The following ITM2A variants were observed in gnomAD, a reference collection of about 807,000 sequenced individuals.
ITM2A encodes integral membrane protein 2A.
Under a neutral mutation model 16.6 loss-of-function variants are expected in ITM2A, and 11 were observed. The observed-to-expected ratio is 0.66, with a 90% confidence interval of 0.42 to 1.10. ITM2A has a LOEUF of 1.10. Ranked by LOEUF, ITM2A falls within the 50% of genes least tolerant of loss-of-function variation. The pLI is 0.00. For synonymous variants in ITM2A, 102 were observed against 71.2 expected (o/e 1.43, Z -2.18); for missense variants, 243 against 206.8 (o/e 1.17, Z -1.07).
rs1751137 is a variant in ITM2A, at chrX:79,367,006, G to C, written c.111+99C>G. On this transcript the variant is annotated intron_variant, in intron 1 of 5. Transcript: ENST00000373298. ...GTAAACCCCAGAGACAGCGTAAGAGGAGCAAGAGGGGCCCTCCCAGGGAAG... is the reference window on the plus strand; with the variant it reads ...GTAAACCCCAGAGACAGCGTAAGAGCAGCAAGAGGGGCCCTCCCAGGGAAG... The C allele has an allele frequency of 7.9e-4, 453 of 572,927 alleles. No individual in the cohort carries two copies. The African/African-American group carries it at 9.4e-3, about 12-fold the overall frequency. 47.2% of individuals were successfully genotyped at this position (572,927 alleles called of 1,213,427 possible).
rs1313056905 is a variant in ITM2A at position 79,363,142 on chromosome X, A to G, written c.244-3T>C. On this transcript the variant is annotated splice_region_variant and splice_polypyrimidine_tract_variant and intron_variant, in intron 2 of 5. Coordinates refer to ENST00000373298, the MANE Select transcript of ITM2A (RefSeq NM_004867.5). ...ATCTCTCCACGGTAAATGGTGCTCT[A>G]AAAGACAAAAAGGGAAAATTACAAC... 3 of 1,183,722 alleles carry G rather than the reference A, an allele frequency of 2.5e-6. No individual in the cohort carries two copies. The highest frequency in any genetic ancestry group is 3.7e-5 in the South Asian group (2 of 54,569).
intron 4 of ITM2A, 128 bp downstream of exon 4, chrX:79,362,453 C>A (rs1483550503): frequency 2.4e-6 from 1 of 418,729 alleles, no homozygotes; most frequent in African/African-American, 2.5e-5. Context: ...AGGTTCACAA[C>A]GTTTTTTATT....
intron 1 of ITM2A, 193 bp downstream of exon 1, chrX:79,366,912 G>A: frequency 2.4e-6 from 1 of 411,488 alleles, no homozygotes; most frequent in South Asian, 3.7e-5. Flanking sequence ...CACGACACGC[G>A]GGAATGCAGA....
At chrX:79,367,014 G>C (rs1925598765) in intron 1 of ITM2A, 91 bp downstream of exon 1, 1 of 618,693 alleles carries the variant, frequency 1.6e-6, no homozygotes, top group African/African-American at 2.3e-5. Flanking sequence ...AGGAGCAAGA[G>C]GGGCCCTCCC....
rs60175547 is a variant in ITM2A, at chrX:79,360,946, GT to G, written c.*142del. 1,052 of 264,778 alleles carry G rather than the reference GT, an allele frequency of 4.0e-3. No individual in the cohort carries two copies. The highest frequency in any genetic ancestry group is 6.0e-3 in the Non-Finnish European group (918 of 152,737). 21.8% of individuals were successfully genotyped at this position (264,778 alleles called of 1,213,427 possible). On this transcript the variant is annotated 3_prime_UTR_variant, in exon 6 of 6. Coordinates refer to ENST00000373298, the MANE Select transcript of ITM2A (RefSeq NM_004867.5). ...TGACAAGAGCTTGCAGTGGTTAGTA[GT>G]TTTTTTTTTTCCTTTTTTTAAAGCA...
At position 79,362,641 on chromosome X, in the gene ITM2A, G is replaced by T. The variant is rs779425778; in HGVS notation, c.492C>A (p.Pro164=). The T allele has an allele frequency of 5.8e-6, 7 of 1,205,571 alleles. No individual in the cohort carries two copies. The Admixed American group carries it at 1.3e-4, about 23-fold the overall frequency. Reference sequence around the variant, plus strand: ...GAGGCATAACAATAGAAGTATTGAGGGGCATCAGATAGCAGTTCCCCAGCA... The same window carrying T: ...GAGGCATAACAATAGAAGTATTGAGTGGCATCAGATAGCAGTTCCCCAGCA... The part of the protein sequence containing the change: ...DLLLGNCYLM[P]LNTSIVMPPK... The change falls in exon 4 of 6, where the codon CCC becomes CCA. Residue 164 remains proline (P), a synonymous_variant. Transcript: ENST00000373298.
At chrX:79,363,255 C>A in intron 2 of ITM2A, 116 bp from the exon 3 acceptor site, 1 of 744,259 alleles carries the variant, frequency 1.3e-6, no homozygotes, top group Admixed American at 3.3e-5. Context: ...GGCTTGTTGA[C>A]TACAGTTATC....
rs190756777 is a variant in ITM2A, at chrX:79,362,498, C to A, written c.552+83G>T. The A allele has an allele frequency of 6.3e-4, 316 of 498,601 alleles. 1 individual carries two copies. The East Asian group carries it at 0.01, about 16-fold the overall frequency. 41.1% of individuals were successfully genotyped at this position (498,601 alleles called of 1,213,427 possible). ...TTTCAATAAAATAAAATGTTTTGGA[C>A]AAATTCATTATTTTTTTAAAAAACA... On this transcript the variant is annotated intron_variant, in intron 4 of 5. Coordinates refer to ENST00000373298, the MANE Select transcript of ITM2A (RefSeq NM_004867.5).
chrX:79,363,016 T>C lies in ITM2A; in HGVS notation c.367A>G (p.Ile123Val). The C allele has an allele frequency of 2.5e-6, 3 of 1,207,215 alleles. No individual in the cohort carries two copies. Among genetic ancestry groups the C allele is most frequent in the Middle Eastern group, 2.3e-4 (1 of 4,346 alleles). Residue 123 changes from isoleucine (I) to valine (V), a missense_variant, in exon 3 of 6, where the codon ATT (isoleucine) becomes GTT (valine). By Grantham distance (29) the Ile-to-Val change is conservative. Coordinates refer to ENST00000373298, the MANE Select transcript of ITM2A (RefSeq NM_004867.5). The stretch of plus-strand genomic sequence containing the variant: ...GGGACAGGCACATCAATGATTGCAA[T>C]GTTGTCATCCTCACGAATGTCAGCC... ...EEADIREDDN[I>V]AIIDVPVPSF... is the part of the protein sequence containing the mutation.
At chrX:79,364,456 GATCCA>G (rs762760940) in intron 1 of ITM2A, among the ~76,000 whole-genome samples, 1 of 111,929 alleles carries the variant, frequency 8.9e-6, no homozygotes, top group South Asian at 3.7e-4. Context: ...AAACAAGAAA[GATCCA>G]AAGCAAACAA....
In ITM2A at chrX:79,363,106, CA is replaced by C; in HGVS notation, c.276del (p.Phe92LeufsTer20). 8.3e-7 allele frequency: 1 copy of C among 1,208,168 alleles called. No homozygotes were observed. Among genetic ancestry groups the C allele is most frequent in the Non-Finnish European group, 1.1e-6 (1 of 893,532 alleles). On this transcript the variant is annotated frameshift_variant, in exon 3 of 6. Transcript: ENST00000373298. LOFTEE classifies it high-confidence loss of function. ...STIYRGEMCF[F>X]DSEDPANSLR... is the part of the protein sequence containing the mutation. ...AGGGAATTTGCAGGATCCTCAGAATCAAAAAAGCACATCTCTCCACGGTAAA... is the reference window on the plus strand; with the variant it reads ...AGGGAATTTGCAGGATCCTCAGAATCAAAAAGCACATCTCTCCACGGTAAA...
chrX:79,362,441 T>G, intron 4 of ITM2A, 140 bp downstream of exon 4: 1 of 411,980 alleles, frequency 2.4e-6, no homozygotes, highest in African/African-American at 2.5e-5. Flanking sequence ...TAGAGCAGTT[T>G]TAGGTTCACA....
At chrX:79,363,830 T>G (rs750927481) in intron 1 of ITM2A, among the ~76,000 whole-genome samples, 1 of 111,930 alleles carries the variant, frequency 8.9e-6, no homozygotes, top group South Asian at 3.7e-4. Flanking sequence ...AAATTAAAAT[T>G]ACCATTTATT....
chrX:79,360,942 AG>A lies in ITM2A; in HGVS notation c.*146del, dbSNP rs1326648006. 1 of 257,302 alleles carries A rather than the reference AG, an allele frequency of 3.9e-6. No homozygotes were observed. The highest frequency in any genetic ancestry group is 6.2e-6 in the Non-Finnish European group (1 of 160,794). 21.2% of individuals were successfully genotyped at this position (257,302 alleles called of 1,213,427 possible). On this transcript the variant is annotated 3_prime_UTR_variant, in exon 6 of 6. Transcript: ENST00000373298. ...AATTTGACAAGAGCTTGCAGTGGTT[AG>A]TAGTTTTTTTTTTTCCTTTTTTTAA...
chrX:79,364,302 A>T (rs1925514175), intron 1 of ITM2A, among the ~76,000 whole-genome samples: 1 of 112,377 alleles, frequency 8.9e-6, no homozygotes, highest in South Asian at 3.7e-4. Flanking sequence ...ATAACTGTGT[A>T]TTGCATGAAT....
chrX:79,364,226 A>G (rs945393783), intron 1 of ITM2A, among the ~76,000 whole-genome samples: 13 of 112,195 alleles, frequency 1.2e-4, no homozygotes, highest in African/African-American at 4.2e-4. Flanking sequence ...TTGAAGGGAG[A>G]GATATAAATT....
At position 79,361,134 on chromosome X, in the gene ITM2A, G is replaced by A. The variant is rs887879330; in HGVS notation, c.747C>T (p.His249=). The change falls in exon 6 of 6, where the codon CAC becomes CAT. Residue 249 remains histidine (H), a synonymous_variant. Transcript: ENST00000373298. The stretch of plus-strand genomic sequence containing the variant: ...TCTCAACAATAAATTCGTTGGGGAA[G>A]TGTCTAATCTTCCAGCATTTATCAA... ...RAIDKCWKIR[H]FPNEFIVETK... The A allele has an allele frequency of 8.3e-7, 1 of 1,205,346 alleles. No individual in the cohort carries two copies. The highest frequency in any genetic ancestry group is 2.2e-5 in the Admixed American group (1 of 45,851).
intron 4 of ITM2A, 58 bp from the exon 5 acceptor site, chrX:79,361,537 G>C (rs778395443): frequency 9.6e-7 from 1 of 1,038,888 alleles, no homozygotes; most frequent in Non-Finnish European, 1.3e-6. Flanking sequence ...TAACTTTGAA[G>C]TTCAGGAGTA....
At chrX:79,365,985 A>G (rs1925561932) in intron 1 of ITM2A, among the ~76,000 whole-genome samples, 2 of 112,442 alleles carry the variant, frequency 1.8e-5, no homozygotes, top group South Asian at 7.4e-4. Flanking sequence ...AACTCAAAGG[A>G]CTTTTTATAT....
Sources: gnomAD v4.1 joint callset for allele counts (sites outside exome capture counted in the v4.1 genomes callset) on GRCh38, gnomAD v4.1.1 for gene constraint, MANE v1.5 for transcripts, NCBI Gene and HGNC (gene_info 2026-07-23, HGNC 2026-07-21) for gene names.